ANKRD42: variants seen among roughly 807,000 people sequenced by gnomAD.
ANKRD42 encodes ankyrin repeat domain 42, also known as ankyrin repeat domain-containing protein 42.
Under a neutral mutation model 51.5 loss-of-function variants are expected in ANKRD42, and 43 were observed. The ratio of observed to expected loss-of-function variants is 0.83; its 90% CI spans 0.65 to 1.08. The LOEUF is 1.08. ANKRD42 is among the 50% of genes least tolerant of loss of function. The pLI is 0.00. For missense variants in ANKRD42, 608 were observed against 629.3 expected, an observed-to-expected ratio of 0.97 and a Z score of 0.36; for synonymous variants, 203 against 213.0, an observed-to-expected ratio of 0.95 and a Z score of 0.41.
chr11:83,245,901 T>C (rs1345963229), intron 10 of ANKRD42, among the ~76,000 whole-genome samples: 1 of 152,232 alleles, frequency 6.6e-6, no homozygotes, highest in Non-Finnish European at 1.5e-5. Context: ...AGAACTCTCA[T>C]CTTGCAAAAC....
Position 83,248,932 on chromosome 11 carries a change from G to C in ANKRD42, c.*728G>C. 1 of 982,822 alleles carries C rather than the reference G, an allele frequency of 1.0e-6. No individual in the cohort carries two copies. The highest frequency in any genetic ancestry group is 1.7e-5 in the African/African-American group (1 of 57,300). The allele number at this position is 982,822 out of a possible 1,614,324, so 60.9% of individuals were successfully genotyped here. On this transcript the variant is annotated 3_prime_UTR_variant, in exon 11 of 11. Coordinates refer to ENST00000533342, the MANE Select transcript of ANKRD42 (RefSeq NM_001300975.2). Reference sequence around the variant, plus strand: ...TTCTCTGGGTTTTGGTGTCTCACCAGTGGTTGATTTTCCAAGAAATATAAT... The same window carrying C: ...TTCTCTGGGTTTTGGTGTCTCACCACTGGTTGATTTTCCAAGAAATATAAT...
intron 9 of ANKRD42, among the ~76,000 whole-genome samples, chr11:83,243,387 T>C (rs1030548680): frequency 6.6e-6 from 1 of 152,204 alleles, no homozygotes; most frequent in Admixed American, 6.5e-5. Flanking sequence ...TCATTGGAAA[T>C]TTCCTCTTTT....
In ANKRD42 at chr11:83,225,053, A is replaced by T. The variant is rs1205836146; in HGVS notation, c.785A>T (p.Glu262Val). 6.2e-7 allele frequency: 1 copy of T among 1,610,034 alleles called. No homozygotes were observed. Among genetic ancestry groups the T allele is most frequent in the African/African-American group, 1.3e-5 (1 of 74,812 alleles). ...EYEGKDLEDQ[E>V]TLAFPGHVAA... ...GAAGGAAAAGACCTAGAGGATCAGG[A>T]AAGTAAGTAATTAAGTTATATGTTC... Residue 262 changes from glutamate (E) to valine (V), a missense_variant and splice_region_variant, in exon 6 of 11, where the codon GAA (glutamate) becomes GTA (valine). Coordinates refer to ENST00000533342, the MANE Select transcript of ANKRD42 (RefSeq NM_001300975.2).
intron 9 of ANKRD42, among the ~76,000 whole-genome samples, chr11:83,241,978 G>C (rs553482940): frequency 1.3e-5 from 2 of 152,272 alleles, no homozygotes; most frequent in South Asian, 4.1e-4. Context: ...TACTAAATTA[G>C]AATTGTACAA....
At chr11:83,230,648 G>A (rs957244678) in intron 7 of ANKRD42, among the ~76,000 whole-genome samples, 2 of 151,800 alleles carry the variant, frequency 1.3e-5, no homozygotes, top group East Asian at 3.9e-4. Context: ...GTGCAGTGGC[G>A]CGATCTCTGC....
At chr11:83,210,943 A>C (rs17144852) in intron 4 of ANKRD42, among the ~76,000 whole-genome samples, 3,081 of 152,316 alleles carry the variant, frequency 0.02, 100 homozygotes, top group African/African-American at 0.07. Context: ...AGAAAGAGTG[A>C]AAACTTATTA....
chr11:83,217,781 A>G (rs762022345), intron 5 of ANKRD42, among the ~76,000 whole-genome samples: 1 of 152,216 alleles, frequency 6.6e-6, no homozygotes, highest in African/African-American at 2.4e-5. Context: ...ACAATCTTTA[A>G]GTATCCTTGC....
chr11:83,245,590 T>G lies in ANKRD42; in HGVS notation c.1288T>G (p.Leu430Val). 4 of 1,536,616 alleles carry G rather than the reference T, an allele frequency of 2.6e-6. No individual in the cohort carries two copies. Among genetic ancestry groups the G allele is most frequent in the Non-Finnish European group, 3.5e-6 (4 of 1,146,992 alleles). Residue 430 changes from leucine to valine, a missense_variant, in exon 10 of 11, where the codon TTA becomes GTA. Coordinates refer to ENST00000533342, the MANE Select transcript of ANKRD42 (RefSeq NM_001300975.2). ...KHLGGITEED[L>V]KQKKEQLESE... ...CTTGGGAGGCATAACAGAAGAAGAT[T>G]TAAAGCAGAAGAAAGAACAGCTTGA...
chr11:83,198,876 G>T (rs1328219498), intron 2 of ANKRD42, among the ~76,000 whole-genome samples: 1 of 152,126 alleles, frequency 6.6e-6, no homozygotes, highest in Non-Finnish European at 1.5e-5. Context: ...CAAGAATTTG[G>T]ATCCCGGAGA....
At position 83,210,290 on chromosome 11, in the gene ANKRD42, CTA is replaced by C; in HGVS notation, c.331-8_331-7del. On this transcript the variant is annotated splice_polypyrimidine_tract_variant and splice_region_variant and intron_variant, in intron 3 of 10. Transcript: ENST00000533342. ...CTCATGTAAAGTCTTTCCTATTTCT[CTA>C]TTTTTAGGCTCTTATAATGAATGGA... 2 of 1,612,544 alleles carry C rather than the reference CTA, an allele frequency of 1.2e-6. No individual in the cohort carries two copies. Among genetic ancestry groups the C allele is most frequent in the Non-Finnish European group, 1.7e-6 (2 of 1,178,752 alleles).
chr11:83,245,616 G>A lies in ANKRD42; in HGVS notation c.1314G>A (p.Glu438=), dbSNP rs144584726. Residue 438 remains glutamate, a synonymous_variant, in exon 10 of 11, where the codon GAG becomes GAA. Transcript: ENST00000533342. ...EDLKQKKEQL[E]SEKTIKELQG... ...TAAAGCAGAAGAAAGAACAGCTTGA[G>A]TCTGAAAAGTAATGTCCTTAAAACT... 17 of 1,535,592 alleles carry A rather than the reference G, an allele frequency of 1.1e-5. No individual in the cohort carries two copies. In the East Asian group the frequency reaches 2.9e-4, roughly 26 times the overall value.
chr11:83,261,965 A>G (rs780259470), downstream of ANKRD42: 2 of 1,587,728 alleles, frequency 1.3e-6, no homozygotes, highest in South Asian at 1.1e-5. Flanking sequence ...TAAACACCGA[A>G]GCTGTGAAAA....
intron 11 of ANKRD42, among the ~76,000 whole-genome samples, chr11:83,255,545 C>T: frequency 6.6e-6 from 1 of 152,088 alleles, no homozygotes; most frequent in East Asian, 1.9e-4. Flanking sequence ...AGAGATAAAA[C>T]TTAATGAGAT....
chr11:83,250,366 C>G (rs1344159539), downstream of ANKRD42, among the ~76,000 whole-genome samples: 1 of 152,122 alleles, frequency 6.6e-6, no homozygotes, highest in Non-Finnish European at 1.5e-5. Flanking sequence ...ATAGCACTTT[C>G]TCAGATATTA....
chr11:83,216,481 C>T (rs955978710), intron 5 of ANKRD42, among the ~76,000 whole-genome samples: 9 of 152,072 alleles, frequency 5.9e-5, no homozygotes, highest in South Asian at 2.1e-4. Flanking sequence ...CCCGCCACCT[C>T]GCCCGGCTAA....
At chr11:83,252,791 TG>T (rs1863697921), downstream of ANKRD42, among the ~76,000 whole-genome samples, 1 of 152,008 alleles carries the variant, frequency 6.6e-6, no homozygotes, top group East Asian at 1.9e-4. Flanking sequence ...TTGTGCTCTT[TG>T]GTATATATAT....
downstream of ANKRD42, among the ~76,000 whole-genome samples, chr11:83,263,108 A>C (rs1055048794): frequency 5.3e-5 from 8 of 152,190 alleles, no homozygotes; most frequent in South Asian, 2.1e-4. Flanking sequence ...TTAATAAAAA[A>C]ACACACACAC....
intron 5 of ANKRD42, among the ~76,000 whole-genome samples, chr11:83,220,927 T>C (rs1862701814): frequency 7.1e-6 from 1 of 140,966 alleles, no homozygotes; most frequent in Non-Finnish European, 1.6e-5. Context: ...TATTTATATT[T>C]ATCTCAAGTT....
chr11:83,257,314 G>C (rs1246446454), downstream of ANKRD42: 3 of 455,802 alleles, frequency 6.6e-6, no homozygotes, highest in African/African-American at 6.0e-5. Flanking sequence ...ATCTTCAGGG[G>C]GAGACAGGAG....
Sources: allele counts gnomAD v4.1 joint callset (sites outside exome capture counted in the v4.1 genomes callset), GRCh38; gene constraint gnomAD v4.1.1; transcripts MANE v1.5; gene names NCBI Gene and HGNC (gene_info 2026-07-23, HGNC 2026-07-21).